Variants in NCOR1 observed in about 807,000 individuals in gnomAD.
NCOR1 encodes protein phosphatase 1, regulatory subunit 109.
A neutral mutation model predicts 288.1 loss-of-function variants in NCOR1; 63 were observed. That is an observed-to-expected ratio of 0.22 (90% CI 0.18 to 0.27). The LOEUF (loss-of-function observed/expected upper bound fraction) is 0.27. Among genes scored for constraint, NCOR1 ranks in the 10% least tolerant of loss-of-function variants. The pLI is 1.00. For synonymous variants in NCOR1, 1,007 were observed against 1,065.9 expected, an observed-to-expected ratio of 0.94 and a Z score of 1.08; for missense variants, 2,397 against 3,019.2, an observed-to-expected ratio of 0.79 and a Z score of 4.83.
At chr17:16,102,090 C>T (rs551827147) in intron 19 of NCOR1, among the ~76,000 whole-genome samples, 1 of 152,152 alleles carries the variant, frequency 6.6e-6, no homozygotes, top group East Asian at 1.9e-4. Flanking sequence ...AAAAACATTC[C>T]TATAAATGAT....
intron 15 of NCOR1, among the ~76,000 whole-genome samples, chr17:16,125,314 G>C (rs772325168): frequency 3.9e-5 from 6 of 152,148 alleles, no homozygotes; most frequent in Admixed American, 1.3e-4. Context: ...AGTGAGCCAA[G>C]ATTGCGCCAC....
chr17:16,171,937 G>T lies in NCOR1; in HGVS notation c.301C>A (p.His101Asn), dbSNP rs772404309. Residue 101 changes from histidine (H) to asparagine (N), a missense_variant, in exon 4 of 46, where the codon CAT becomes AAT. Transcript: ENST00000268712. ...PFHPGPSPVD[H>N]DSLESKRPRL... ...GGTCGCTTCGATTCCAGTGAATCAT[G>T]ATCCACTGGGGATGGGCCTGGATGA... 3 of 1,611,422 alleles carry T rather than the reference G, an allele frequency of 1.9e-6. 1 individual carries two copies. In the South Asian group the frequency reaches 3.3e-5, roughly 18 times the overall value.
intron 31 of NCOR1, 65 bp downstream of exon 31, chr17:16,070,100 A>G (rs977411868): frequency 7.8e-7 from 1 of 1,283,390 alleles, no homozygotes. Context: ...CTACTTGACA[A>G]AGGTTTTTTT....
intron 41 of NCOR1, among the ~76,000 whole-genome samples, chr17:16,047,863 A>C (rs1013306658): frequency 2.0e-5 from 3 of 152,220 alleles, no homozygotes; most frequent in African/African-American, 7.2e-5. Flanking sequence ...AATTAAGGTG[A>C]TAGGAACAGG....
chr17:16,081,923 C>G (rs2063471742), intron 23 of NCOR1, among the ~76,000 whole-genome samples: 1 of 152,204 alleles, frequency 6.6e-6, no homozygotes, highest in South Asian at 2.1e-4. Context: ...GGCCCCACTG[C>G]TCTCAACTTA....
intron 7 of NCOR1, among the ~76,000 whole-genome samples, chr17:16,152,856 T>C (rs1193719098): frequency 2.0e-5 from 3 of 152,198 alleles, no homozygotes; most frequent in African/African-American, 7.2e-5. Flanking sequence ...CTAACTGGTA[T>C]GAGATGGTAT....
At chr17:16,040,898 GA>G (rs2057437577) in intron 42 of NCOR1, 1 of 187,924 alleles carries the variant, frequency 5.3e-6, no homozygotes, top group Admixed American at 5.7e-5. Flanking sequence ...AATAAAAAAA[GA>G]AGCAGTGTAA....
intron 14 of NCOR1, among the ~76,000 whole-genome samples, chr17:16,130,941 A>C (rs1192739696): frequency 1.3e-5 from 2 of 151,094 alleles, no homozygotes; most frequent in East Asian, 3.9e-4. Context: ...TGCCCACCTC[A>C]GCCTCCCAAA....
chr17:16,210,434 G>A (rs2092010322), intron 1 of NCOR1, among the ~76,000 whole-genome samples: 1 of 151,910 alleles, frequency 6.6e-6, no homozygotes, highest in Non-Finnish European at 1.5e-5. Flanking sequence ...GGGCCTCAGG[G>A]GTATTTAAAC....
rs372637862 is a variant in NCOR1 at position 16,171,040 on chromosome 17, A to G, written c.435+763T>C. On this transcript the variant is annotated intron_variant, in intron 4 of 45. Coordinates refer to ENST00000268712, the MANE Select transcript of NCOR1 (RefSeq NM_006311.4). ...TACAGCATGGCAACTATAGCTAATA[A>G]TATGTATTATATATTTAAAAATTGC... Among the ~76,000 whole-genome samples, 21 of 152,204 alleles carry G rather than the reference A, an allele frequency of 1.4e-4. 1 individual carries two copies. The South Asian group carries it at 4.4e-3, about 32-fold the overall frequency.
intron 9 of NCOR1, among the ~76,000 whole-genome samples, chr17:16,148,031 G>T (rs1353128964): frequency 6.6e-6 from 1 of 152,172 alleles, no homozygotes; most frequent in African/African-American, 2.4e-5. Flanking sequence ...TGGTCAGGCG[G>T]GTCTCAAACT....
rs1347420036 is a variant in NCOR1, at chr17:16,034,892, C to A, written c.7008G>T (p.Lys2336Asn). ...LISKSNSRKS[K>N]SPIPGQGYLG... ...AGTAGCCTTGCCCAGGTATAGGAGACTTAGATTTCCTGCTGTTTGACTTGC... is the reference window on the plus strand; with the variant it reads ...AGTAGCCTTGCCCAGGTATAGGAGAATTAGATTTCCTGCTGTTTGACTTGC... Residue 2336 changes from lysine to asparagine, a missense_variant, in exon 45 of 46, where the codon AAG becomes AAT. Around this residue, in one of 11 missense-constraint regions of NCOR1, gnomAD observed 1,872 missense variants for 2,187.8 expected, o/e 0.86. Coordinates refer to ENST00000268712, the MANE Select transcript of NCOR1 (RefSeq NM_006311.4). The A allele has an allele frequency of 6.2e-7, 1 of 1,613,972 alleles. No individual in the cohort carries two copies. The highest frequency in any genetic ancestry group is 8.5e-7 in the Non-Finnish European group (1 of 1,180,034).
chr17:16,104,237 A>C (rs2068160919), intron 19 of NCOR1, among the ~76,000 whole-genome samples: 1 of 152,248 alleles, frequency 6.6e-6, no homozygotes, highest in Admixed American at 6.5e-5. Context: ...TGGATTATAA[A>C]GTACATGAAT....
At chr17:16,133,023 C>T (rs2075886168) in intron 14 of NCOR1, among the ~76,000 whole-genome samples, 1 of 151,704 alleles carries the variant, frequency 6.6e-6, no homozygotes, top group Non-Finnish European at 1.5e-5. Context: ...GGTGGGAGTG[C>T]AGTGGCATGA....
intron 18 of NCOR1, among the ~76,000 whole-genome samples, chr17:16,117,133 A>C (rs1398175988): frequency 1.3e-5 from 2 of 152,230 alleles, no homozygotes; most frequent in East Asian, 3.8e-4. Flanking sequence ...TTTAATATTT[A>C]TACCATGGAA....
chr17:16,140,748 A>C (rs1042719249), intron 11 of NCOR1, among the ~76,000 whole-genome samples: 2 of 152,176 alleles, frequency 1.3e-5, no homozygotes, highest in African/African-American at 4.8e-5. Flanking sequence ...TGGGACGCGG[A>C]GGTTGCAGTG....
chr17:16,064,145 T>A lies in NCOR1; in HGVS notation c.5144A>T (p.Glu1715Val). 1 of 1,614,138 alleles carries A rather than the reference T, an allele frequency of 6.2e-7. No individual in the cohort carries two copies. Among genetic ancestry groups the A allele is most frequent in the Non-Finnish European group, 8.5e-7 (1 of 1,180,002 alleles). ...CTCCTTCTCCCGCTCCCGTTCCCGT[T>A]CCCTCTCAGCACTTGCAGCAGCTGC... The part of the protein sequence containing the change: ...HLAAAASAER[E>V]REREREKERE... The change falls in exon 35 of 46, where the codon GAA becomes GTA. Residue 1715 changes from glutamate to valine, a missense_variant. By Grantham distance (121) the Glu-to-Val change is moderately radical (BLOSUM62 -2). This residue lies in a region of NCOR1 where 1,872 missense variants were observed against 2,187.8 expected (regional missense o/e 0.86). Transcript: ENST00000268712.
chr17:16,038,001 C>T (rs1341587048), intron 44 of NCOR1, among the ~76,000 whole-genome samples: 6 of 152,096 alleles, frequency 3.9e-5, no homozygotes, highest in African/African-American at 1.4e-4. Context: ...TTAAAACACA[C>T]ACACTTAAAG....
In NCOR1 at chr17:16,101,388, T is replaced by A. The variant is rs947304033; in HGVS notation, c.2552A>T (p.Glu851Val). The A allele has an allele frequency of 2.5e-6, 4 of 1,614,140 alleles. No individual in the cohort carries two copies. In the Admixed American group the frequency reaches 5.0e-5, roughly 20 times the overall value. Reference protein sequence around the residue: ...TKERDLDRASEKVEPRDEDLV... With the variant: ...TKERDLDRASVKVEPRDEDLV... ...ATCTTCATCTCTAGGTTCCACCTTC[T>A]CACTGGCTCTATCCAAGTCTCTTTC... The change falls in exon 20 of 46, where the codon GAG (glutamate) becomes GTG (valine). Residue 851 changes from glutamate to valine, a missense_variant. This residue lies in a region of NCOR1 where 1,872 missense variants were observed against 2,187.8 expected (regional missense o/e 0.86). Coordinates refer to ENST00000268712, the MANE Select transcript of NCOR1 (RefSeq NM_006311.4).
Sources: allele counts gnomAD v4.1 joint callset (sites outside exome capture counted in the v4.1 genomes callset), GRCh38; gene constraint gnomAD v4.1.1; regional missense constraint gnomAD v4.1.1; transcripts MANE v1.5; gene names NCBI Gene and HGNC (gene_info 2026-07-23, HGNC 2026-07-21).